NSD3: variants seen among roughly 807,000 people sequenced by gnomAD.
The protein encoded by NSD3 is nuclear receptor binding SET domain protein 3.
In NSD3, 24 loss-of-function variants were observed where a neutral mutation model predicts 160.8. The ratio of observed to expected loss-of-function variants is 0.15; its 90% CI spans 0.11 to 0.21. NSD3 has a LOEUF of 0.21. NSD3 is among the 10% of genes least tolerant of loss of function. The pLI, the probability that NSD3 is intolerant of heterozygous loss-of-function variation, is 1.00. For missense variants in NSD3, 1,157 were observed against 1,735.9 expected, an observed-to-expected ratio of 0.67 and a Z score of 5.93; for synonymous variants, 520 against 600.0, an observed-to-expected ratio of 0.87 and a Z score of 1.95.
At chr8:38,368,846 C>T (rs1811170115) in intron 1 of NSD3, among the ~76,000 whole-genome samples, 1 of 152,192 alleles carries the variant, frequency 6.6e-6, no homozygotes, top group Non-Finnish European at 1.5e-5. Context: ...TTTCATCAGT[C>T]ATCTTGTTCC....
At chr8:38,313,969 G>T (rs1809597673) in intron 12 of NSD3, among the ~76,000 whole-genome samples, 1 of 151,204 alleles carries the variant, frequency 6.6e-6, no homozygotes, top group Non-Finnish European at 1.5e-5. Flanking sequence ...TATCTGATTG[G>T]CTTAGTTCCT....
chr8:38,325,191 A>T (rs954226462), intron 7 of NSD3, among the ~76,000 whole-genome samples: 1 of 152,202 alleles, frequency 6.6e-6, no homozygotes, highest in African/African-American at 2.4e-5. Context: ...CATAGGATTG[A>T]GCGCTTAACC....
chr8:38,338,097 C>G (rs1347020131), intron 3 of NSD3, among the ~76,000 whole-genome samples: 1 of 151,948 alleles, frequency 6.6e-6, no homozygotes, highest in African/African-American at 2.4e-5. Flanking sequence ...GTCAGGAGAT[C>G]GAGACCAGCC....
chr8:38,317,634 G>A lies in NSD3; in HGVS notation c.1855+1261C>T. ...CTGTTTGGCAAACCCCTGCAGATGTGCATTAATGATGCTTTATTTAAAAAC... is the reference window on the plus strand; with the variant it reads ...CTGTTTGGCAAACCCCTGCAGATGTACATTAATGATGCTTTATTTAAAAAC... On this transcript the variant is annotated intron_variant, in intron 9 of 23. Coordinates refer to ENST00000317025, the MANE Select transcript of NSD3 (RefSeq NM_023034.2). This position sits in a 1 kb window ranked among gnomAD's most constrained non-coding sequence, Gnocchi z 5.3. 1 of 1,182,064 alleles carries A rather than the reference G, an allele frequency of 8.5e-7. No homozygotes were observed. The highest frequency in any genetic ancestry group is 1.1e-6 in the Non-Finnish European group (1 of 949,504). 73.2% of individuals were successfully genotyped at this position (1,182,064 alleles called of 1,614,324 possible). A position where few individuals can be genotyped will look rare whatever the true frequency, so the allele number is the denominator to read the frequency against.
chr8:38,353,491 C>T (rs1398028126), intron 1 of NSD3, among the ~76,000 whole-genome samples: 2 of 152,158 alleles, frequency 1.3e-5, no homozygotes, highest in South Asian at 2.1e-4. Context: ...CTTCCAGATT[C>T]GCCTCCCAAA....
At chr8:38,362,190 C>T (rs1810982755) in intron 1 of NSD3, among the ~76,000 whole-genome samples, 3 of 133,050 alleles carry the variant, frequency 2.3e-5, no homozygotes. Context: ...CCAGAGCCAA[C>T]TATAGTGCCT....
At chr8:38,310,488 T>C (rs189882278) in intron 12 of NSD3, among the ~76,000 whole-genome samples, 1 of 152,302 alleles carries the variant, frequency 6.6e-6, no homozygotes, top group Non-Finnish European at 1.5e-5. Flanking sequence ...AATATGAATA[T>C]GACAGTACAA....
rs777076405 is a variant in NSD3 at position 38,279,613 on chromosome 8, G to A, written c.3687C>T (p.Asn1229=). 1.2e-6 allele frequency: 2 copies of A among 1,614,172 alleles called. No individual in the cohort carries two copies. The highest frequency in any genetic ancestry group is 4.5e-5 in the East Asian group (2 of 44,878). The change falls in exon 21 of 24, where the codon AAC becomes AAT. Residue 1229 remains asparagine, a synonymous_variant. Transcript: ENST00000317025. ...TCACTGTCCACTTTTGTGTTTCACA[G>A]TTGGGATTACAACTGTGGTTCATGA... is the stretch of plus-strand genomic sequence containing the variant. The part of the protein sequence containing the change: ...SRFMNHSCNP[N]CETQKWTVNG...
Position 38,317,053 on chromosome 8 carries a change from A to G in NSD3, c.1856-1011T>C. 1.9e-6 allele frequency: 2 copies of G among 1,060,306 alleles called. No homozygotes were observed. The highest frequency in any genetic ancestry group is 2.3e-6 in the Non-Finnish European group (2 of 876,196). 65.7% of individuals were successfully genotyped at this position (1,060,306 alleles called of 1,614,324 possible). On this transcript the variant is annotated intron_variant, in intron 9 of 23. Transcript: ENST00000317025. The surrounding 1 kb of genome is among the most constrained non-coding windows in gnomAD (Gnocchi z 5.3). Reference sequence around the variant, plus strand: ...AACAAACAGACATCTAGATCAACCCAGCAAGCTATGGTGGAAGTGTGCAGT... The same window carrying G: ...AACAAACAGACATCTAGATCAACCCGGCAAGCTATGGTGGAAGTGTGCAGT...
chr8:38,329,846 G>A lies in NSD3; in HGVS notation c.1113C>T (p.Gly371=). The A allele has an allele frequency of 6.2e-7, 1 of 1,610,658 alleles. No individual in the cohort carries two copies. The highest frequency in any genetic ancestry group is 8.5e-7 in the Non-Finnish European group (1 of 1,178,794). ...TCAATGCTTTCTCTGCATGGGCAAT[G>A]CCAATATCCCACTGAGCACGTTCTC... is the stretch of plus-strand genomic sequence containing the variant. The part of the protein sequence containing the change: ...PQRERAQWDI[G]IAHAEKALKM... The change falls in exon 6 of 24, where the codon GGC becomes GGT. Residue 371 remains glycine (G), a synonymous_variant. Coordinates refer to ENST00000317025, the MANE Select transcript of NSD3 (RefSeq NM_023034.2). The surrounding 1 kb of genome is among the most constrained non-coding windows in gnomAD (Gnocchi z 4.8).
chr8:38,282,585 C>T (rs529512410), intron 19 of NSD3, among the ~76,000 whole-genome samples: 7 of 152,232 alleles, frequency 4.6e-5, no homozygotes, highest in South Asian at 2.1e-4. Context: ...GCTGGAGAAT[C>T]GCCGAAACCC....
rs1263206706 is a variant in NSD3, at chr8:38,288,002, G to A, written c.3501+485C>T. On this transcript the variant is annotated intron_variant, in intron 19 of 23. Coordinates refer to ENST00000317025, the MANE Select transcript of NSD3 (RefSeq NM_023034.2). This position sits in a 1 kb window ranked among gnomAD's most constrained non-coding sequence, Gnocchi z 4.5. ...TAATCCCAGCACTGTGGGAGGCCAA[G>A]GCAGGAGAATTGCTTGAGTCCAGGA... 1.3e-5 allele frequency among the ~76,000 whole-genome samples: 2 copies of A among 152,054 alleles called. No individual in the cohort carries two copies. Among genetic ancestry groups the A allele is most frequent in the South Asian group, 2.1e-4 (1 of 4,826 alleles).
At chr8:38,325,637 C>CGAG (rs1374955410) in intron 7 of NSD3, among the ~76,000 whole-genome samples, 1 of 152,144 alleles carries the variant, frequency 6.6e-6, no homozygotes, top group African/African-American at 2.4e-5. Context: ...ACTGGGAGGC[C>CGAG]GAGGCAGGTA....
intron 1 of NSD3, among the ~76,000 whole-genome samples, chr8:38,372,744 C>A (rs1265571089): frequency 6.6e-6 from 1 of 151,358 alleles, no homozygotes; most frequent in East Asian, 1.9e-4. Context: ...GCTCCGCCCG[C>A]CTCGGCCTCC....
chr8:38,351,807 C>T (rs201799350), intron 1 of NSD3, among the ~76,000 whole-genome samples: 14 of 149,826 alleles, frequency 9.3e-5, no homozygotes, highest in African/African-American at 2.7e-4. Flanking sequence ...CACTCATAGG[C>T]GGGAATTGAA....
rs1278084420 is a variant in NSD3, at chr8:38,288,864, G to C, written c.3232-108C>G. The C allele has an allele frequency of 7.2e-7, 1 of 1,389,992 alleles. No homozygotes were observed. Among genetic ancestry groups the C allele is most frequent in the African/African-American group, 1.4e-5 (1 of 69,288 alleles). 86.1% of individuals were successfully genotyped at this position (1,389,992 alleles called of 1,614,324 possible). ...CTACTGCCTCGTGGTGCTACTCCGA[G>C]AAAGGTTGTCTTTCCTGATGAATAA... On this transcript the variant is annotated intron_variant, in intron 18 of 23. Transcript: ENST00000317025. This position sits in a 1 kb window ranked among gnomAD's most constrained non-coding sequence, Gnocchi z 4.5.
chr8:38,303,547 C>T (rs998237763), intron 14 of NSD3: 17 of 287,918 alleles, frequency 5.9e-5, no homozygotes, highest in Admixed American at 3.9e-4. Context: ...TTACTGCCTA[C>T]CTCCAAGTAA....
intron 1 of NSD3, among the ~76,000 whole-genome samples, chr8:38,367,648 G>T (rs1811135214): frequency 6.6e-6 from 1 of 152,112 alleles, no homozygotes; most frequent in South Asian, 2.1e-4. Context: ...GGAGGTGGAG[G>T]TTGCGGTGAG....
chr8:38,364,610 G>A (rs1811064924), intron 1 of NSD3, among the ~76,000 whole-genome samples: 4 of 152,068 alleles, frequency 2.6e-5, no homozygotes, highest in Admixed American at 2.6e-4. Flanking sequence ...AAAATGCTAT[G>A]GGTCCTTTTA....
Sources: gnomAD v4.1 joint callset for allele counts (sites outside exome capture counted in the v4.1 genomes callset) on GRCh38, gnomAD v4.1.1 for gene constraint, Gnocchi (gnomAD v3.1) non-coding constraint, MANE v1.5 for transcripts, NCBI Gene and HGNC (gene_info 2026-07-23, HGNC 2026-07-21) for gene names.